Variants in RALB observed in about 807,000 individuals in gnomAD.
RALB encodes ras-related protein Ral-B.
In RALB, 16 loss-of-function variants were observed where a neutral mutation model predicts 21.3. The observed-to-expected ratio is 0.75, with a 90% confidence interval of 0.51 to 1.14. The LOEUF is 1.14. RALB is among the 50% of genes most tolerant of loss of function. RALB has a pLI of 0.00. For synonymous variants in RALB, 93 were observed against 96.1 expected (o/e 0.97, Z 0.19); for missense variants, 161 against 256.2 (o/e 0.63, Z 2.54).
intron 1 of RALB, among the ~76,000 whole-genome samples, chr2:120,264,127 G>A (rs1035497345): frequency 4.6e-5 from 7 of 151,780 alleles, no homozygotes; most frequent in African/African-American, 1.7e-4. Context: ...GAGATTACAA[G>A]TGTGAGCCAC....
intron 1 of RALB, among the ~76,000 whole-genome samples, chr2:120,258,264 C>G (rs1689246319): frequency 1.3e-5 from 2 of 152,226 alleles, no homozygotes; most frequent in Admixed American, 6.5e-5. Context: ...TCATCTTGTA[C>G]TGGGCTCTGC....
chr2:120,288,342 G>GTTTTTTTTTTTTTTT lies in RALB; in HGVS notation c.324-1227_324-1226insTTTTTTTTTTTTTTT, dbSNP rs547733377. Among the ~76,000 whole-genome samples the GTTTTTTTTTTTTTTT allele has an allele frequency of 2.4e-4, 28 of 117,076 alleles. 2 individuals are homozygous for GTTTTTTTTTTTTTTT. The highest frequency in any genetic ancestry group is 3.3e-4 in the Non-Finnish European group (20 of 60,188). 76.8% of individuals were successfully genotyped at this position (117,076 alleles called of 152,430 possible). A position where few individuals can be genotyped will look rare whatever the true frequency, so the allele number is the denominator to read the frequency against. On this transcript the variant is annotated intron_variant, in intron 3 of 4. Coordinates refer to ENST00000272519, the MANE Select transcript of RALB (RefSeq NM_002881.3). ...TTAAATTGACTACATGAAAATTTTA[G>GTTTTTTTTTTTTTTT]TTTTTTTTTTTGTTTTTTTTTTTGT...
chr2:120,243,541 C>T (rs4848580), intron 1 of RALB, among the ~76,000 whole-genome samples: 68,776 of 151,874 alleles, frequency 0.45, 17,279 homozygotes, highest in Middle Eastern at 0.66. Flanking sequence ...ACTGGGGGAT[C>T]TTTTCACACC....
rs759573654 is a variant in RALB, at chr2:120,286,062, T to C, written c.303T>C (p.Phe101=). The part of the protein sequence containing the change: ...LVFSITEHES[F]TATAEFREQI... The stretch of plus-strand genomic sequence containing the variant: ...TCTCAATCACAGAACATGAATCCTT[T>C]ACAGCAACTGCCGAATTCAGGTATG... Residue 101 remains phenylalanine, a synonymous_variant, in exon 3 of 5, where the codon TTT becomes TTC. Transcript: ENST00000272519. 9 of 1,614,030 alleles carry C rather than the reference T, an allele frequency of 5.6e-6. No homozygotes were observed. In the South Asian group the frequency reaches 7.7e-5, roughly 14 times the overall value.
chr2:120,289,313 C>CAGTT (rs1690250618), intron 3 of RALB, among the ~76,000 whole-genome samples: 1 of 150,698 alleles, frequency 6.6e-6, no homozygotes, highest in African/African-American at 2.5e-5. Flanking sequence ...CCTATCCAGA[C>CAGTT]ACTTCTGTAA....
At chr2:120,256,169 C>T (rs955165471) in intron 1 of RALB, among the ~76,000 whole-genome samples, 4 of 152,140 alleles carry the variant, frequency 2.6e-5, no homozygotes, top group Admixed American at 1.3e-4. Flanking sequence ...ATCTGAAGCT[C>T]GACTGGGACC....
At chr2:120,269,770 A>G (rs1689616216) in intron 1 of RALB, among the ~76,000 whole-genome samples, 1 of 152,250 alleles carries the variant, frequency 6.6e-6, no homozygotes, top group African/African-American at 2.4e-5. Flanking sequence ...TTTAAAGATT[A>G]TTATAGCATT....
chr2:120,254,098 T>C (rs765679766), intron 1 of RALB, among the ~76,000 whole-genome samples: 1 of 152,150 alleles, frequency 6.6e-6, no homozygotes, highest in Non-Finnish European at 1.5e-5. Context: ...CCATGAAAGG[T>C]AGCACTGCAT....
At chr2:120,276,221 C>T (rs992539830) in intron 1 of RALB, among the ~76,000 whole-genome samples, 2 of 152,196 alleles carry the variant, frequency 1.3e-5, no homozygotes, top group African/African-American at 2.4e-5. Context: ...TGCAAGCCTC[C>T]GGCTTCCTTA....
intron 1 of RALB, among the ~76,000 whole-genome samples, chr2:120,255,671 T>C (rs1689183522): frequency 6.6e-6 from 1 of 152,242 alleles, no homozygotes; most frequent in African/African-American, 2.4e-5. Context: ...ACGGTATATG[T>C]GCTTACTAGA....
chr2:120,288,605 T>C (rs761562584), intron 3 of RALB, among the ~76,000 whole-genome samples: 40 of 152,296 alleles, frequency 2.6e-4, no homozygotes, highest in Admixed American at 2.5e-3. Flanking sequence ...AGTAGAAATA[T>C]TCTCATGGGA....
intron 1 of RALB, among the ~76,000 whole-genome samples, chr2:120,241,847 G>GAA (rs569389743): frequency 2.6e-4 from 39 of 152,234 alleles, no homozygotes; most frequent in Non-Finnish European, 3.5e-4. Flanking sequence ...AGTTGCTATG[G>GAA]AAAACAATAT....
At chr2:120,271,964 G>T (rs1232075926) in intron 1 of RALB, among the ~76,000 whole-genome samples, 1 of 152,206 alleles carries the variant, frequency 6.6e-6, no homozygotes, top group Admixed American at 6.5e-5. Context: ...GAGCTTTTGG[G>T]TGAGTAGATA....
At chr2:120,247,974 C>T (rs573077073), upstream of RALB, among the ~76,000 whole-genome samples, 2 of 152,290 alleles carry the variant, frequency 1.3e-5, no homozygotes, top group Admixed American at 6.5e-5. Flanking sequence ...TATTCCTGCA[C>T]GGGAATGAGC....
At chr2:120,242,390 C>G (rs1688909619) in intron 1 of RALB, among the ~76,000 whole-genome samples, 1 of 152,184 alleles carries the variant, frequency 6.6e-6, no homozygotes, top group Non-Finnish European at 1.5e-5. Flanking sequence ...AAGATGGTGA[C>G]TTTTATATCA....
chr2:120,276,720 A>G (rs1443477275), intron 1 of RALB, among the ~76,000 whole-genome samples: 1 of 152,130 alleles, frequency 6.6e-6, no homozygotes, highest in East Asian at 1.9e-4. Flanking sequence ...GGGATGGAAA[A>G]CAACATTGGT....
intron 1 of RALB, among the ~76,000 whole-genome samples, chr2:120,242,531 G>A (rs1406371870): frequency 6.6e-6 from 1 of 151,920 alleles, no homozygotes; most frequent in Non-Finnish European, 1.5e-5. Flanking sequence ...TCAGGAGATC[G>A]AGACCATCCT....
chr2:120,267,906 C>T (rs974435281), intron 1 of RALB, among the ~76,000 whole-genome samples: 3 of 152,134 alleles, frequency 2.0e-5, no homozygotes, highest in African/African-American at 2.4e-5. Flanking sequence ...ATTCTCCTGC[C>T]TCAGCCTCCC....
chr2:120,251,576 A>G (rs1689057197), upstream of RALB, among the ~76,000 whole-genome samples: 1 of 152,152 alleles, frequency 6.6e-6, no homozygotes, highest in South Asian at 2.1e-4. Context: ...CCAGACTCCA[A>G]ACCTGTGCAC....
Sources: allele counts gnomAD v4.1 joint callset (sites outside exome capture counted in the v4.1 genomes callset), GRCh38; gene constraint gnomAD v4.1.1; transcripts MANE v1.5; gene names NCBI Gene and HGNC (gene_info 2026-07-23, HGNC 2026-07-21).